Variants in GRIK2 observed in about 807,000 individuals in gnomAD.
GRIK2 encodes the protein glutamate ionotropic receptor kainate type subunit 2.
GRIK2 carries 32 observed loss-of-function variants against 100.3 expected under a neutral mutation model. The ratio of observed to expected loss-of-function variants is 0.32; its 90% CI spans 0.24 to 0.43. The LOEUF is 0.43. Among genes scored for constraint, GRIK2 ranks in the 20% least tolerant of loss-of-function variants. The pLI is 1.00. For missense variants in GRIK2, 843 were observed against 1,114.9 expected (o/e 0.76, Z 3.47); for synonymous variants, 417 against 389.4 (o/e 1.07, Z -0.83).
intron 2 of GRIK2, among the ~76,000 whole-genome samples, chr6:101,599,724 T>C (rs1779108505): frequency 5.9e-5 from 9 of 151,850 alleles, no homozygotes; most frequent in Admixed American, 5.9e-4. Flanking sequence ...AAATTGTTCA[T>C]GTTTTTTTGC....
chr6:101,889,618 T>C (rs753045094), intron 11 of GRIK2, 22 bp from the exon 12 acceptor site: 17 of 1,058,860 alleles, frequency 1.6e-5, no homozygotes, highest in Non-Finnish European at 1.9e-5. Flanking sequence ...TTTTTTTTTT[T>C]TTTGTTTGTT....
intron 2 of GRIK2, among the ~76,000 whole-genome samples, chr6:101,559,914 C>T (rs1166764579): frequency 1.3e-5 from 2 of 152,190 alleles, no homozygotes; most frequent in South Asian, 2.1e-4. Flanking sequence ...AGAAAGTCCA[C>T]AGTTTTTGAG....
chr6:101,892,380 C>A (rs918494821), intron 12 of GRIK2, among the ~76,000 whole-genome samples: 2 of 152,100 alleles, frequency 1.3e-5, no homozygotes, highest in Non-Finnish European at 2.9e-5. Context: ...ACTTATCTAA[C>A]TTTTCAAAAT....
chr6:101,622,204 T>C, intron 3 of GRIK2, 88 bp downstream of exon 3: 1 of 728,298 alleles, frequency 1.4e-6, no homozygotes, highest in Non-Finnish European at 2.3e-6. Context: ...CAACATACAG[T>C]TAATAAGTTG....
chr6:101,486,780 C>G (rs1261819189), intron 2 of GRIK2, among the ~76,000 whole-genome samples: 1 of 120,940 alleles, frequency 8.3e-6, no homozygotes, highest in Non-Finnish European at 1.8e-5. Context: ...GTAAGATTCT[C>G]TGCAGCAACT....
intron 2 of GRIK2, among the ~76,000 whole-genome samples, chr6:101,574,343 AAT>A (rs1186095102): frequency 2.0e-5 from 3 of 147,560 alleles, no homozygotes; most frequent in African/African-American, 7.4e-5. Context: ...GATAAATAAA[AAT>A]ATATAATTAT....
intron 2 of GRIK2, among the ~76,000 whole-genome samples, chr6:101,517,990 A>G (rs575625057): frequency 6.6e-6 from 1 of 152,246 alleles, no homozygotes; most frequent in South Asian, 2.1e-4. Context: ...CCACCATACC[A>G]TTATGTGAAT....
intron 4 of GRIK2, among the ~76,000 whole-genome samples, chr6:101,634,841 T>C (rs573554082): frequency 2.0e-5 from 3 of 152,170 alleles, no homozygotes; most frequent in Admixed American, 2.0e-4. Context: ...ACAAACACTT[T>C]CTTAAAACAC....
At chr6:101,947,012 T>C (rs1791322400) in intron 14 of GRIK2, among the ~76,000 whole-genome samples, 1 of 152,110 alleles carries the variant, frequency 6.6e-6, no homozygotes, top group South Asian at 2.1e-4. Context: ...TACCTTGTAA[T>C]ATTAGCAAGA....
rs141126906 is a variant in GRIK2, at chr6:101,470,851, G to A, written c.115+71459G>A. Among the ~76,000 whole-genome samples, 773 of 152,158 alleles carry A rather than the reference G, an allele frequency of 5.1e-3. 4 individuals are homozygous for A. The highest frequency in any genetic ancestry group is 0.018 in the African/African-American group (735 of 41,532). ...AAATTTTTAGCTAACTTTTCACAAC[G>A]AAATAGCAAATATTCTACATGGAAT... On this transcript the variant is annotated intron_variant, in intron 2 of 16. Transcript: ENST00000369134.
chr6:101,982,040 G>A (rs1250952103), intron 14 of GRIK2, among the ~76,000 whole-genome samples: 1 of 151,794 alleles, frequency 6.6e-6, no homozygotes, highest in Non-Finnish European at 1.5e-5. Flanking sequence ...TCCCTGCCAG[G>A]CACTATATTT....
chr6:101,487,420 C>A (rs1428745130), intron 2 of GRIK2, among the ~76,000 whole-genome samples: 4 of 146,302 alleles, frequency 2.7e-5, no homozygotes, highest in African/African-American at 1.0e-4. Context: ...TTAGTCCCAT[C>A]TCCACCACAG....
intron 14 of GRIK2, among the ~76,000 whole-genome samples, chr6:101,974,218 A>G (rs1582647897): frequency 1.3e-5 from 2 of 151,990 alleles, no homozygotes; most frequent in South Asian, 4.1e-4. Flanking sequence ...TAAAGTACCA[A>G]ACAAAAAAAA....
intron 2 of GRIK2, among the ~76,000 whole-genome samples, chr6:101,620,672 ATGAC>A (rs1780112585): frequency 6.6e-6 from 1 of 152,200 alleles, no homozygotes; most frequent in Non-Finnish European, 1.5e-5. Flanking sequence ...TAATTTATGA[ATGAC>A]TGTACGGGGA....
chr6:101,719,498 A>G (rs533871926), intron 7 of GRIK2, among the ~76,000 whole-genome samples: 1 of 152,010 alleles, frequency 6.6e-6, no homozygotes, highest in Non-Finnish European at 1.5e-5. Flanking sequence ...AAAATTAACT[A>G]AGTATCTGTG....
At chr6:101,797,455 T>C (rs1309387485) in intron 7 of GRIK2, among the ~76,000 whole-genome samples, 2 of 151,502 alleles carry the variant, frequency 1.3e-5, no homozygotes, top group East Asian at 3.9e-4. Flanking sequence ...ATTTATAAAA[T>C]GTTAACAATA....
chr6:101,571,851 C>T (rs1458327942), intron 2 of GRIK2, among the ~76,000 whole-genome samples: 1 of 152,008 alleles, frequency 6.6e-6, no homozygotes, highest in Non-Finnish European at 1.5e-5. Flanking sequence ...CTGTCATGGA[C>T]ATCTATACAT....
At chr6:101,429,962 C>T (rs944244165) in intron 2 of GRIK2, among the ~76,000 whole-genome samples, 14 of 152,286 alleles carry the variant, frequency 9.2e-5, no homozygotes, top group African/African-American at 2.6e-4. Flanking sequence ...TGGGTCCTAA[C>T]GCTTGGACTT....
chr6:101,485,074 G>A (rs1291142872), intron 2 of GRIK2, among the ~76,000 whole-genome samples: 1 of 152,096 alleles, frequency 6.6e-6, no homozygotes, highest in Non-Finnish European at 1.5e-5. Flanking sequence ...CAACAACCTT[G>A]ACTAAACACA....
Sources: gnomAD v4.1 joint callset for allele counts (sites outside exome capture counted in the v4.1 genomes callset) on GRCh38, gnomAD v4.1.1 for gene constraint, MANE v1.5 for transcripts, NCBI Gene and HGNC (gene_info 2026-07-23, HGNC 2026-07-21) for gene names.